KCTD2: variants seen among roughly 807,000 people sequenced by gnomAD.
KCTD2 encodes the protein potassium channel tetramerization domain containing 2.
Under a neutral mutation model 27.9 loss-of-function variants are expected in KCTD2, and 18 were observed. The observed-to-expected ratio is 0.64, with a 90% CI of 0.45 to 0.96. The LOEUF (loss-of-function observed/expected upper bound fraction) is 0.96. Among genes scored for constraint, KCTD2 ranks in the 40% least tolerant of loss-of-function variants. The probability of loss-of-function intolerance (pLI) is 0.00; values close to 1 mark genes in which losing one functional copy is unlikely to be tolerated. For missense variants in KCTD2, 280 were observed against 348.0 expected (o/e 0.80, Z 1.56); for synonymous variants, 175 against 148.4 (o/e 1.18, Z -1.30).
chr17:75,039,913 C>T, intron 3 of KCTD2: 1 of 686,266 alleles, frequency 1.5e-6, no homozygotes, highest in Non-Finnish European at 2.5e-6. Context: ...TTCTTGTTGG[C>T]TTCTTTCACT....
At chr17:75,052,751 G>A (rs934126459) in intron 2 of KCTD2, among the ~76,000 whole-genome samples, 6 of 151,956 alleles carry the variant, frequency 3.9e-5, no homozygotes, top group African/African-American at 1.5e-4. Flanking sequence ...AGAAACAGCC[G>A]GGTGTGGTGG....
At chr17:75,046,103 G>C (rs1453381307), upstream of KCTD2, among the ~76,000 whole-genome samples, 1 of 152,214 alleles carries the variant, frequency 6.6e-6, no homozygotes, top group Non-Finnish European at 1.5e-5. Flanking sequence ...GTGTGAGTGA[G>C]ACGGAGTCTC....
At chr17:75,062,957 C>T in intron 5 of KCTD2, 61 bp from the exon 6 acceptor site, 2 of 1,568,616 alleles carry the variant, frequency 1.3e-6, no homozygotes, top group Non-Finnish European at 1.8e-6. Flanking sequence ...TGGAAAGCAT[C>T]CCCCGACATC....
At chr17:75,060,231 A>G (rs1026061049) in intron 4 of KCTD2, among the ~76,000 whole-genome samples, 1 of 145,724 alleles carries the variant, frequency 6.9e-6, no homozygotes, top group African/African-American at 2.5e-5. Flanking sequence ...AGTAAATACA[A>G]TTTTTTTTTT....
chr17:75,054,867 C>T (rs1598125099), intron 3 of KCTD2, among the ~76,000 whole-genome samples: 1 of 151,476 alleles, frequency 6.6e-6, no homozygotes, highest in East Asian at 1.9e-4. Flanking sequence ...CTCTTTCATG[C>T]GATTAGACTG....
At chr17:75,037,829 C>A (rs1017428108) in intron 3 of KCTD2, among the ~76,000 whole-genome samples, 1 of 152,074 alleles carries the variant, frequency 6.6e-6, no homozygotes, top group Non-Finnish European at 1.5e-5. Context: ...GCGGGCGGAT[C>A]ACAAGGTCAG....
intron 3 of KCTD2, chr17:75,042,059 C>CA: frequency 1.2e-6 from 1 of 812,136 alleles, no homozygotes; most frequent in Non-Finnish European, 1.9e-6. Context: ...TTTGGCCATA[C>CA]GCATCCTTCC....
At chr17:75,037,826 G>A (rs2144906521) in intron 3 of KCTD2, among the ~76,000 whole-genome samples, 1 of 152,204 alleles carries the variant, frequency 6.6e-6, no homozygotes, top group Non-Finnish European at 1.5e-5. Context: ...GAGGCGGGCG[G>A]ATCACAAGGT....
At chr17:75,035,212 T>C (rs1013620508) in intron 2 of KCTD2, 1 of 152,058 alleles carries the variant, frequency 6.6e-6, no homozygotes, top group Non-Finnish European at 1.5e-5. Flanking sequence ...GCAACTATAA[T>C]CTTCCCTCCC....
intron 1 of KCTD2, chr17:75,048,916 C>T (rs908305702): frequency 6.5e-5 from 15 of 231,694 alleles, no homozygotes; most frequent in African/African-American, 9.0e-5. Context: ...GAATGTTTGT[C>T]ACTGTAATTA....
chr17:75,049,089 C>G (rs747727755), intron 1 of KCTD2, 131 bp from the exon 2 acceptor site: 2 of 569,626 alleles, frequency 3.5e-6, no homozygotes, highest in Non-Finnish European at 3.1e-6. Context: ...TTTGCCATCA[C>G]TAAAGTCTTT....
chr17:75,043,083 G>A (rs1042189669), upstream of KCTD2, among the ~76,000 whole-genome samples: 99 of 151,634 alleles, frequency 6.5e-4, 2 homozygotes, highest in East Asian at 2.0e-4. Flanking sequence ...TTAGCCAGCC[G>A]TGGTGGCCCG....
At position 75,047,333 on chromosome 17, in the gene KCTD2, T is replaced by A. The variant is rs1458272869; in HGVS notation, c.83T>A (p.Val28Asp). The A allele has an allele frequency of 8.7e-7, 1 of 1,145,390 alleles. No individual in the cohort carries two copies. Among genetic ancestry groups the A allele is most frequent in the Non-Finnish European group, 1.1e-6 (1 of 933,730 alleles). The allele number at this position is 1,145,390 out of a possible 1,614,324, so 71.0% of individuals were successfully genotyped here. The part of the protein sequence containing the change: ...GSGVGDGGGP[V>D]RGPPSPRPAG... ...GGGGTGGGCGACGGGGGTGGCCCAG[T>A]CCGCGGGCCCCCCAGCCCACGCCCG... Residue 28 changes from valine to aspartate, a missense_variant, in exon 1 of 6, where the codon GTC (valine) becomes GAC (aspartate). Physicochemically the swap from Val to Asp is radical, Grantham distance 152. Transcript: ENST00000322444.
upstream of KCTD2, chr17:75,042,759 T>C: frequency 8.1e-7 from 1 of 1,240,144 alleles, no homozygotes; most frequent in Non-Finnish European, 1.1e-6. Context: ...GAGAGAATCC[T>C]TTAAATCTTA....
intron 4 of KCTD2, among the ~76,000 whole-genome samples, chr17:75,060,309 T>C (rs2073390875): frequency 6.6e-6 from 1 of 152,104 alleles, no homozygotes; most frequent in Non-Finnish European, 1.5e-5. Flanking sequence ...CAGACATTGC[T>C]ACATCACTAA....
chr17:75,052,548 CCT>C (rs1426632803), intron 2 of KCTD2, among the ~76,000 whole-genome samples: 1 of 152,194 alleles, frequency 6.6e-6, no homozygotes, highest in African/African-American at 2.4e-5. Context: ...ATGATGAAAC[CCT>C]GTCTCTACTA....
chr17:75,063,098 C>T lies in KCTD2; in HGVS notation c.*51C>T. On this transcript the variant is annotated 3_prime_UTR_variant, in exon 6 of 6. Coordinates refer to ENST00000322444, the MANE Select transcript of KCTD2 (RefSeq NM_015353.3). ...TTCAGGAGAGCAGTCAGCAGAGCCC[C>T]TCTGTGAAGTGAAACCTCACTCCTG... 1 of 1,569,376 alleles carries T rather than the reference C, an allele frequency of 6.4e-7. No homozygotes were observed. The highest frequency in any genetic ancestry group is 8.8e-7 in the Non-Finnish European group (1 of 1,140,620).
At chr17:75,058,365 G>A (rs137974012) in intron 3 of KCTD2, among the ~76,000 whole-genome samples, 1,984 of 151,452 alleles carry the variant, frequency 0.013, 36 homozygotes, top group African/African-American at 0.045. Flanking sequence ...TTAGCTGGGC[G>A]TAGTGGCACA....
At chr17:75,033,266 C>G (rs1034215567) in intron 1 of KCTD2, among the ~76,000 whole-genome samples, 2 of 152,050 alleles carry the variant, frequency 1.3e-5, no homozygotes, top group Non-Finnish European at 2.9e-5. Flanking sequence ...CGTGAGCCAC[C>G]GCACCCGGTC....
Sources: allele counts gnomAD v4.1 joint callset (sites outside exome capture counted in the v4.1 genomes callset), GRCh38; gene constraint gnomAD v4.1.1; transcripts MANE v1.5; gene names NCBI Gene and HGNC (gene_info 2026-07-23, HGNC 2026-07-21).